Variants in ABCA12 observed in about 807,000 individuals in gnomAD.
ABCA12 encodes the protein ATP binding cassette subfamily A member 12.
Under a neutral mutation model 293.5 loss-of-function variants are expected in ABCA12, and 156 were observed. That is an observed-to-expected ratio of 0.53 (90% CI 0.47 to 0.61). The LOEUF (loss-of-function observed/expected upper bound fraction) is 0.61, where lower values mean the gene tolerates loss of function less well. Among genes scored for constraint, ABCA12 ranks in the 20% least tolerant of loss-of-function variants. The probability of loss-of-function intolerance (pLI) is 0.00; values close to 1 mark genes in which losing one functional copy is unlikely to be tolerated. For missense variants in ABCA12, 2,797 were observed against 3,090.2 expected, an observed-to-expected ratio of 0.91 and a Z score of 2.25; for synonymous variants, 1,063 against 1,108.0, an observed-to-expected ratio of 0.96 and a Z score of 0.81.
intron 39 of ABCA12, among the ~76,000 whole-genome samples, chr2:214,966,309 G>A (rs559456812): frequency 6.6e-6 from 1 of 152,280 alleles, no homozygotes; most frequent in South Asian, 2.1e-4. Context: ...CCTAGGTGAT[G>A]CGTTGATATG....
intron 29 of ABCA12, 139 bp from the exon 30 acceptor site, chr2:214,982,522 C>A: frequency 1.5e-6 from 1 of 654,234 alleles, no homozygotes. Context: ...CTTGAGGATT[C>A]ATAATATAGT....
intron 42 of ABCA12, among the ~76,000 whole-genome samples, chr2:214,955,908 C>T (rs938940318): frequency 2.0e-5 from 3 of 152,104 alleles, no homozygotes; most frequent in Non-Finnish European, 2.9e-5. Flanking sequence ...GGTATTATCC[C>T]GCCTAGGCAA....
intron 11 of ABCA12, chr2:215,022,482 G>A (rs946489535): frequency 2.0e-5 from 3 of 152,198 alleles, no homozygotes; most frequent in Non-Finnish European, 4.4e-5. Context: ...AGGCATTAAA[G>A]TTCTAGAAGC....
intron 36 of ABCA12, 122 bp downstream of exon 36, chr2:214,973,827 G>T: frequency 1.2e-6 from 1 of 830,554 alleles, no homozygotes; most frequent in Non-Finnish European, 2.0e-6. Flanking sequence ...CCATATTTCT[G>T]AGCTACTAGC....
chr2:215,066,913 G>T (rs1701650490), intron 2 of ABCA12, among the ~76,000 whole-genome samples: 1 of 152,080 alleles, frequency 6.6e-6, no homozygotes, highest in African/African-American at 2.4e-5. Context: ...TGTATCCCAT[G>T]TACTGTGCTA....
chr2:215,015,205 T>A (rs1309696504), intron 15 of ABCA12, among the ~76,000 whole-genome samples: 1 of 152,114 alleles, frequency 6.6e-6, no homozygotes, highest in African/African-American at 2.4e-5. Context: ...ACTTTTGAAA[T>A]ACAACATTTG....
In ABCA12 at chr2:214,953,843, A is replaced by G. The variant is rs1698855554; in HGVS notation, c.6647+11T>C. ...TTTAGATGTCAAACGTTATGTTTTCATTATATTTACCTGAGTTTCTTTATC... is the reference window on the plus strand; with the variant it reads ...TTTAGATGTCAAACGTTATGTTTTCGTTATATTTACCTGAGTTTCTTTATC... On this transcript the variant is annotated intron_variant, in intron 44 of 52. Coordinates refer to ENST00000272895, the MANE Select transcript of ABCA12 (RefSeq NM_173076.3). The G allele has an allele frequency of 1.2e-6, 2 of 1,612,812 alleles. No individual in the cohort carries two copies. Among genetic ancestry groups the G allele is most frequent in the Non-Finnish European group, 1.7e-6 (2 of 1,179,234 alleles).
At chr2:215,073,793 G>C (rs1439435992) in intron 2 of ABCA12, among the ~76,000 whole-genome samples, 1 of 152,130 alleles carries the variant, frequency 6.6e-6, no homozygotes, top group Non-Finnish European at 1.5e-5. Context: ...CTGAGAGAAC[G>C]AGTTGAGGAT....
intron 4 of ABCA12, 147 bp from the exon 5 acceptor site, chr2:215,052,731 T>C (rs575751693): frequency 1.4e-6 from 1 of 739,026 alleles, no homozygotes; most frequent in South Asian, 1.5e-5. Context: ...GGAAGTTTTA[T>C]ACTGGAAAAG....
intron 37 of ABCA12, among the ~76,000 whole-genome samples, 167 bp from the exon 38 acceptor site, chr2:214,968,974 TATC>T (rs1488569918): frequency 2.0e-5 from 3 of 152,086 alleles, no homozygotes; most frequent in Non-Finnish European, 4.4e-5. Context: ...CAATTCTTTT[TATC>T]ATATTTCAGT....
At position 215,045,948 on chromosome 2, in the gene ABCA12, G is replaced by A. The variant is rs1178102703; in HGVS notation, c.761C>T (p.Ser254Leu). 1 of 1,613,704 alleles carries A rather than the reference G, an allele frequency of 6.2e-7. No individual in the cohort carries two copies. Among genetic ancestry groups the A allele is most frequent in the Middle Eastern group, 1.7e-4 (1 of 6,060 alleles). ...CACAGCTTTCTGCTCTTGCACTTGT[G>A]AGAAGAAAGACAGCATTCTGACTAT... ...QEIVRMLSFF[S>L]QVQEQKAVWQ... Residue 254 changes from serine (S) to leucine (L), a missense_variant, in exon 7 of 53, where the codon TCA (serine) becomes TTA (leucine). Ser to Leu is a moderately radical substitution (Grantham distance 145, BLOSUM62 -2). Around this residue, in one of 3 missense-constraint regions of ABCA12, gnomAD observed 656 missense variants for 638.2 expected, o/e 1.03. Transcript: ENST00000272895.
At chr2:215,011,384 A>G (rs1242132759) in intron 17 of ABCA12, 55 bp downstream of exon 17, 7 of 1,273,380 alleles carry the variant, frequency 5.5e-6, no homozygotes, top group Admixed American at 1.7e-5. Flanking sequence ...CAGAATAGAC[A>G]GTATTCTTAT....
chr2:214,975,641 T>A (rs1010551576), intron 34 of ABCA12, 144 bp downstream of exon 34: 4 of 1,162,826 alleles, frequency 3.4e-6, no homozygotes, highest in Non-Finnish European at 5.0e-6. Context: ...TTGCAATCAA[T>A]CAAACTGTTC....
intron 14 of ABCA12, among the ~76,000 whole-genome samples, chr2:215,016,414 T>C: frequency 6.7e-6 from 1 of 149,870 alleles, no homozygotes; most frequent in Non-Finnish European, 1.5e-5. Context: ...AAACCCCGTC[T>C]CTACTAAAAA....
At chr2:215,058,365 G>T (rs914331410) in intron 3 of ABCA12, among the ~76,000 whole-genome samples, 3 of 151,932 alleles carry the variant, frequency 2.0e-5, no homozygotes, top group Admixed American at 1.3e-4. Context: ...TGAGAATCAA[G>T]GTTGAGAAAC....
chr2:215,096,325 C>T (rs1702249262), intron 2 of ABCA12, among the ~76,000 whole-genome samples: 1 of 152,178 alleles, frequency 6.6e-6, no homozygotes, highest in South Asian at 2.1e-4. Context: ...AAAGGTGAAG[C>T]TGAGATTTGA....
chr2:215,074,899 G>A (rs982083863), intron 2 of ABCA12, among the ~76,000 whole-genome samples: 4 of 151,876 alleles, frequency 2.6e-5, no homozygotes, highest in South Asian at 2.1e-4. Flanking sequence ...CCGAGATCAC[G>A]CCACTGTACT....
chr2:215,026,701 A>T, intron 10 of ABCA12, 119 bp downstream of exon 10: 2 of 836,570 alleles, frequency 2.4e-6, no homozygotes, highest in Non-Finnish European at 4.2e-6. Context: ...ACTGATGCAT[A>T]TGGAAACTAA....
At position 215,001,641 on chromosome 2, in the gene ABCA12, T is replaced by C; in HGVS notation, c.2780A>G (p.Tyr927Cys). Reference sequence around the variant, plus strand: ...GGTTTTTGCTGCCTGAATACGGTCATATAATACACAAGAGGAAATATTTAC... The same window carrying C: ...GGTTTTTGCTGCCTGAATACGGTCACATAATACACAAGAGGAAATATTTAC... ...LTVNISSCVL[Y>C]DRIQAAKTID... The change falls in exon 21 of 53, where the codon TAT (tyrosine) becomes TGT (cysteine). Residue 927 changes from tyrosine to cysteine, a missense_variant. Coordinates refer to ENST00000272895, the MANE Select transcript of ABCA12 (RefSeq NM_173076.3). The C allele has an allele frequency of 6.2e-7, 1 of 1,613,818 alleles. No homozygotes were observed. The highest frequency in any genetic ancestry group is 8.5e-7 in the Non-Finnish European group (1 of 1,179,840).
Sources: allele counts gnomAD v4.1 joint callset (sites outside exome capture counted in the v4.1 genomes callset), GRCh38; gene constraint gnomAD v4.1.1; regional missense constraint gnomAD v4.1.1; transcripts MANE v1.5; gene names NCBI Gene and HGNC (gene_info 2026-07-23, HGNC 2026-07-21).